Variants in BCAT1 observed in about 807,000 individuals in gnomAD.
BCAT1 encodes the protein branched chain amino acid transaminase 1, also known as branched-chain-amino-acid aminotransferase, cytosolic.
BCAT1 carries 48 observed loss-of-function variants against 52.4 expected under a neutral mutation model. The ratio of observed to expected loss-of-function variants is 0.92; its 90% CI spans 0.73 to 1.16. BCAT1 has a LOEUF of 1.16. BCAT1 is among the 50% of genes most tolerant of loss of function. The probability of loss-of-function intolerance (pLI) is 0.00; values close to 1 mark genes in which losing one functional copy is unlikely to be tolerated. For synonymous variants in BCAT1, 167 were observed against 161.3 expected (o/e 1.04, Z -0.27); for missense variants, 451 against 457.1 (o/e 0.99, Z 0.12).
chr12:24,880,446 G>A (rs1022888202), intron 4 of BCAT1, among the ~76,000 whole-genome samples: 1 of 152,014 alleles, frequency 6.6e-6, no homozygotes, highest in African/African-American at 2.4e-5. Flanking sequence ...GACAGAGTGA[G>A]ACTCTCTCTC....
At position 24,899,380 on chromosome 12, in the gene BCAT1, A is replaced by G. The variant is rs143114538; in HGVS notation, c.78+2434T>C. Among the ~76,000 whole-genome samples the G allele has an allele frequency of 4.6e-5, 7 of 152,322 alleles. No individual in the cohort carries two copies. In the East Asian group the frequency reaches 9.6e-4, roughly 21 times the overall value. Reference sequence around the variant, plus strand: ...GTTATTATTAGAAAGACAAAAAATAACAGATGCTGATGAGGATACAGAGAA... The same window carrying G: ...GTTATTATTAGAAAGACAAAAAATAGCAGATGCTGATGAGGATACAGAGAA... On this transcript the variant is annotated intron_variant, in intron 2 of 10. Transcript: ENST00000261192.
intron 5 of BCAT1, among the ~76,000 whole-genome samples, chr12:24,877,383 C>T (rs1260308539): frequency 1.3e-5 from 2 of 152,296 alleles, no homozygotes; most frequent in East Asian, 3.9e-4. Context: ...CTAGCAGATA[C>T]CAGAGACAGG....
chr12:24,856,143 G>A (rs1386329022), intron 5 of BCAT1, among the ~76,000 whole-genome samples: 1 of 152,136 alleles, frequency 6.6e-6, no homozygotes, highest in East Asian at 1.9e-4. Context: ...TTAAGCATGA[G>A]CTCCCTGATT....
At chr12:24,914,216 G>T (rs1236184538) in intron 1 of BCAT1, among the ~76,000 whole-genome samples, 2 of 151,862 alleles carry the variant, frequency 1.3e-5, no homozygotes, top group Admixed American at 6.6e-5. Context: ...CGAGGAGCTG[G>T]GACCACAGGC....
At chr12:24,853,731 A>G (rs6487431) in intron 5 of BCAT1, among the ~76,000 whole-genome samples, 145,710 of 152,242 alleles carry the variant, frequency 0.96, 70,040 homozygotes, top group East Asian at 1. Context: ...CAAAAGCCAC[A>G]TAAATAATGA....
chr12:24,910,367 ACT>A (rs1439594610), intron 1 of BCAT1, among the ~76,000 whole-genome samples: 1 of 150,374 alleles, frequency 6.7e-6, no homozygotes, highest in East Asian at 2.0e-4. Flanking sequence ...ACATAGCGAG[ACT>A]CTGTCTCAAA....
chr12:24,844,960 C>T (rs1005740562), intron 6 of BCAT1, among the ~76,000 whole-genome samples: 5 of 146,482 alleles, frequency 3.4e-5, no homozygotes, highest in African/African-American at 1.3e-4. Flanking sequence ...TACCTGTAAT[C>T]TCAGCACTTT....
At chr12:24,898,039 C>T (rs991881755) in intron 2 of BCAT1, among the ~76,000 whole-genome samples, 10 of 152,006 alleles carry the variant, frequency 6.6e-5, no homozygotes, top group Non-Finnish European at 1.2e-4. Context: ...AAAGTTCAAA[C>T]GTAAACAAGC....
intron 6 of BCAT1, among the ~76,000 whole-genome samples, chr12:24,846,306 C>G (rs1342179543): frequency 6.6e-6 from 1 of 151,994 alleles, no homozygotes; most frequent in East Asian, 1.9e-4. Context: ...TTTAATTTTC[C>G]CAGAGTTCTC....
At chr12:24,822,715 T>C (rs1307740339) in intron 10 of BCAT1, among the ~76,000 whole-genome samples, 3 of 152,190 alleles carry the variant, frequency 2.0e-5, no homozygotes, top group Non-Finnish European at 4.4e-5. Context: ...TGTAGCACAT[T>C]TGGTAGTTCT....
chr12:24,826,694 G>C (rs1373685974), intron 10 of BCAT1, among the ~76,000 whole-genome samples: 1 of 152,156 alleles, frequency 6.6e-6, no homozygotes, highest in African/African-American at 2.4e-5. Flanking sequence ...TATTTTAATA[G>C]GGATTGCATT....
intron 10 of BCAT1, among the ~76,000 whole-genome samples, chr12:24,823,358 G>A (rs1274951096): frequency 6.6e-5 from 10 of 152,174 alleles, no homozygotes; most frequent in Admixed American, 5.9e-4. Context: ...ACAGGCGTAA[G>A]CCACCATGCC....
At chr12:24,863,313 C>T (rs758016616) in intron 5 of BCAT1, among the ~76,000 whole-genome samples, 29 of 152,178 alleles carry the variant, frequency 1.9e-4, no homozygotes, top group Non-Finnish European at 3.7e-4. Flanking sequence ...TTTTTAAGCA[C>T]GCAAAACTAG....
intron 2 of BCAT1, among the ~76,000 whole-genome samples, chr12:24,899,072 T>G (rs1206896479): frequency 6.6e-6 from 1 of 152,142 alleles, no homozygotes; most frequent in Non-Finnish European, 1.5e-5. Flanking sequence ...TGGAGATATG[T>G]GAAGCTGGAG....
chr12:24,843,080 C>T lies in BCAT1; in HGVS notation c.675-856G>A, dbSNP rs961220355. 2.6e-5 allele frequency among the ~76,000 whole-genome samples: 4 copies of T among 152,174 alleles called. No individual in the cohort carries two copies. In the East Asian group the frequency reaches 7.7e-4, roughly 29 times the overall value. ...AGGTCTGAGAAGTACTGCCGTAAGA[C>T]AGTCAGGGATCGGGAATAAACTCTA... is the stretch of plus-strand genomic sequence containing the variant. On this transcript the variant is annotated intron_variant, in intron 6 of 10. Transcript: ENST00000261192.
intron 1 of BCAT1, among the ~76,000 whole-genome samples, chr12:24,926,220 G>A (rs1420375747): frequency 6.6e-6 from 1 of 151,556 alleles, no homozygotes; most frequent in African/African-American, 2.4e-5. Context: ...TGGGAGGTGA[G>A]GAGCGCCTCT....
chr12:24,875,817 G>T (rs559981636), intron 5 of BCAT1, among the ~76,000 whole-genome samples: 2 of 152,264 alleles, frequency 1.3e-5, no homozygotes, highest in African/African-American at 2.4e-5. Context: ...CAGGATTTTG[G>T]CAGTCTAAAG....
intron 3 of BCAT1, among the ~76,000 whole-genome samples, chr12:24,889,478 T>G (rs1351853013): frequency 6.6e-6 from 1 of 152,126 alleles, no homozygotes; most frequent in African/African-American, 2.4e-5. Context: ...AGAAGTGGAG[T>G]GCTTTTTTCC....
At chr12:24,915,353 T>C (rs1255438811) in intron 1 of BCAT1, among the ~76,000 whole-genome samples, 1 of 152,052 alleles carries the variant, frequency 6.6e-6, no homozygotes, top group Non-Finnish European at 1.5e-5. Context: ...AAGAAAAAAA[T>C]TAAATATCTT....
Sources: gnomAD v4.1 joint callset for allele counts (sites outside exome capture counted in the v4.1 genomes callset) on GRCh38, gnomAD v4.1.1 for gene constraint, MANE v1.5 for transcripts, NCBI Gene and HGNC (gene_info 2026-07-23, HGNC 2026-07-21) for gene names.